SKIL: variants seen among roughly 807,000 people sequenced by gnomAD.
SKIL encodes ski-like protein.
In SKIL, 20 loss-of-function variants were observed where a neutral mutation model predicts 69.6. The observed-to-expected ratio is 0.29, with a 90% CI of 0.20 to 0.42. SKIL has a LOEUF of 0.42. Ranked by LOEUF, SKIL falls within the 10% of genes least tolerant of loss-of-function variation. The pLI is 1.00. For missense variants in SKIL, 745 were observed against 783.1 expected, an observed-to-expected ratio of 0.95 and a Z score of 0.58; for synonymous variants, 310 against 279.9, an observed-to-expected ratio of 1.11 and a Z score of -1.08.
chr3:170,370,448 C>A (rs1417382554), intron 2 of SKIL, among the ~76,000 whole-genome samples: 1 of 35,848 alleles, frequency 2.8e-5, no homozygotes. Flanking sequence ...AGCCCCCCCC[C>A]CCCCCCCGAG....
At chr3:170,383,432 G>A (rs1438268072) in intron 3 of SKIL, among the ~76,000 whole-genome samples, 3 of 152,168 alleles carry the variant, frequency 2.0e-5, no homozygotes, top group Non-Finnish European at 4.4e-5. Context: ...AGAGTGTCAA[G>A]TCTTAAATGG....
In SKIL at chr3:170,361,056, A is replaced by G. The variant is rs763232481; in HGVS notation, c.725A>G (p.Asn242Ser). The part of the protein sequence containing the change: ...ALLRPRTFPQ[N>S]GSVLPAKSSL... Reference sequence around the variant, plus strand: ...TTGCGGCCACGAACTTTTCCTCAAAATGGTAGCGTACTTCCTGCTAAAAGC... The same window carrying G: ...TTGCGGCCACGAACTTTTCCTCAAAGTGGTAGCGTACTTCCTGCTAAAAGC... The change falls in exon 2 of 7, where the codon AAT (asparagine) becomes AGT (serine). Residue 242 changes from asparagine (N) to serine (S), a missense_variant. Coordinates refer to ENST00000259119, the MANE Select transcript of SKIL (RefSeq NM_005414.5). 8 of 1,614,230 alleles carry G rather than the reference A, an allele frequency of 5.0e-6. No homozygotes were observed. In the East Asian group the frequency reaches 1.8e-4, roughly 36 times the overall value.
In SKIL at chr3:170,366,055, CT is replaced by C. The variant is rs753671366; in HGVS notation, c.1098+4644del. Among the ~76,000 whole-genome samples the C allele has an allele frequency of 5.4e-3, 695 of 128,292 alleles. 1 individual carries two copies. The highest frequency in any genetic ancestry group is 0.011 in the African/African-American group (390 of 34,650). 84.2% of individuals were successfully genotyped at this position (128,292 alleles called of 152,430 possible). On this transcript the variant is annotated intron_variant, in intron 2 of 6. Coordinates refer to ENST00000259119, the MANE Select transcript of SKIL (RefSeq NM_005414.5). ...ACAGGCATGAGCCATTGCGCCTGGCCTTTTTTTTTTTTTTTTTTAAGACTGT... is the reference window on the plus strand; with the variant it reads ...ACAGGCATGAGCCATTGCGCCTGGCCTTTTTTTTTTTTTTTTTAAGACTGT...
In SKIL at chr3:170,378,884, T is replaced by TA. The variant is rs1388194011; in HGVS notation, c.1099-2360_1099-2359insA. Among the ~76,000 whole-genome samples, 46 of 145,156 alleles carry TA rather than the reference T, an allele frequency of 3.2e-4. 1 individual carries two copies. The highest frequency in any genetic ancestry group is 9.8e-4 in the African/African-American group (35 of 35,738). On this transcript the variant is annotated intron_variant, in intron 2 of 6. Transcript: ENST00000259119. ...TTATTTATTTATTTATTTATTTATT[T>TA]TTTTTATCTTGAGATGGATTCTGGC...
rs1050512959 is a variant in SKIL at position 170,396,821 on chromosome 3, T to C, written c.*4404T>C. On this transcript the variant is annotated 3_prime_UTR_variant, in exon 7 of 7. Transcript: ENST00000259119. Reference sequence around the variant, plus strand: ...TGGATCAAATACTAAATAAAAACTTTTAATGCCAATTAAATTTGATTCAAG... The same window carrying C: ...TGGATCAAATACTAAATAAAAACTTCTAATGCCAATTAAATTTGATTCAAG... The C allele has an allele frequency of 1.3e-5, 2 of 152,368 alleles. No homozygotes were observed. Among genetic ancestry groups the C allele is most frequent in the East Asian group, 3.9e-4 (2 of 5,192 alleles). The allele number at this position is 152,368 out of a possible 1,614,324, so 9.4% of individuals were successfully genotyped here.
intron 2 of SKIL, among the ~76,000 whole-genome samples, chr3:170,371,271 C>G (rs759510237): frequency 6.6e-6 from 1 of 152,072 alleles, no homozygotes; most frequent in African/African-American, 2.4e-5. Context: ...GAGGCCAAGG[C>G]AGACAGATGA....
In SKIL at chr3:170,361,056, A is replaced by C; in HGVS notation, c.725A>C (p.Asn242Thr). Residue 242 changes from asparagine (N) to threonine (T), a missense_variant, in exon 2 of 7, where the codon AAT becomes ACT. Transcript: ENST00000259119. ...ALLRPRTFPQNGSVLPAKSSL... is the reference protein window; with the variant it reads ...ALLRPRTFPQTGSVLPAKSSL... ...TTGCGGCCACGAACTTTTCCTCAAA[A>C]TGGTAGCGTACTTCCTGCTAAAAGC... The C allele has an allele frequency of 6.2e-7, 1 of 1,614,230 alleles. No homozygotes were observed. The highest frequency in any genetic ancestry group is 8.5e-7 in the Non-Finnish European group (1 of 1,180,054).
rs1338747382 is a variant in SKIL at position 170,395,435 on chromosome 3, A to G, written c.*3018A>G. The G allele has an allele frequency of 1.3e-5, 2 of 152,154 alleles. No individual in the cohort carries two copies. Among genetic ancestry groups the G allele is most frequent in the Non-Finnish European group, 2.9e-5 (2 of 67,970 alleles). 9.4% of individuals were successfully genotyped at this position (152,154 alleles called of 1,614,324 possible). A position where few individuals can be genotyped will look rare whatever the true frequency, so the allele number is the denominator to read the frequency against. The stretch of plus-strand genomic sequence containing the variant: ...AATATATTACCAGTTAAGATATAAA[A>G]TCATTTGTACATAGCGAATTGTAAA... On this transcript the variant is annotated 3_prime_UTR_variant, in exon 7 of 7. Coordinates refer to ENST00000259119, the MANE Select transcript of SKIL (RefSeq NM_005414.5).
chr3:170,380,803 C>T (rs1393019931), intron 2 of SKIL, among the ~76,000 whole-genome samples: 1 of 152,018 alleles, frequency 6.6e-6, no homozygotes, highest in East Asian at 1.9e-4. Flanking sequence ...CAGGCTTCTT[C>T]AAGGGAAGAC....
At chr3:170,377,703 C>T (rs1355232927) in intron 2 of SKIL, among the ~76,000 whole-genome samples, 6 of 149,812 alleles carry the variant, frequency 4.0e-5, no homozygotes, top group East Asian at 2.0e-4. Context: ...CGCCTGCTGC[C>T]GCACCCGACT....
In SKIL at chr3:170,375,364, C is replaced by A. The variant is rs78009210; in HGVS notation, c.1099-5880C>A. Among the ~76,000 whole-genome samples the A allele has an allele frequency of 9.5e-3, 1,450 of 152,242 alleles. 16 individuals carry two copies. Among genetic ancestry groups the A allele is most frequent in the African/African-American group, 0.031 (1,295 of 41,538 alleles). ...TTAGAGACACAGAAATAAATAGATG[C>A]TAGGTTTGGCTCATGAGTAAAGATA... On this transcript the variant is annotated intron_variant, in intron 2 of 6. Transcript: ENST00000259119.
intron 2 of SKIL, among the ~76,000 whole-genome samples, chr3:170,379,482 C>CG (rs1553854065): frequency 1.3e-4 from 8 of 59,640 alleles, no homozygotes; most frequent in South Asian, 4.5e-4. Flanking sequence ...AGTCTTGCCC[C>CG]CCCTTTTAAG....
chr3:170,358,174 C>T (rs1250403671), intron 1 of SKIL, among the ~76,000 whole-genome samples: 2 of 152,204 alleles, frequency 1.3e-5, no homozygotes, highest in African/African-American at 2.4e-5. Context: ...CGCCCGGCGC[C>T]TAAACTGCCC....
chr3:170,385,019 A>AT, intron 4 of SKIL: 1 of 265,642 alleles, frequency 3.8e-6, no homozygotes, highest in East Asian at 7.5e-5. Context: ...TTTTGTCCGA[A>AT]TTTTTTTCCT....
intron 2 of SKIL, among the ~76,000 whole-genome samples, chr3:170,372,835 AT>A (rs1234091953): frequency 6.6e-6 from 1 of 152,172 alleles, no homozygotes; most frequent in African/African-American, 2.4e-5. Flanking sequence ...CATATGCATT[AT>A]ATTTTATTTC....
At chr3:170,361,950 TC>T (rs1276888490) in intron 2 of SKIL, among the ~76,000 whole-genome samples, 1 of 152,136 alleles carries the variant, frequency 6.6e-6, no homozygotes, top group African/African-American at 2.4e-5. Context: ...CTGTTGTTTT[TC>T]TAGGACTCGA....
chr3:170,386,489 A>T (rs1314081442), intron 4 of SKIL, among the ~76,000 whole-genome samples: 1 of 152,116 alleles, frequency 6.6e-6, no homozygotes, highest in East Asian at 1.9e-4. Flanking sequence ...TTTTAGAGAC[A>T]GAGTCTCACT....
rs1736874886 is a variant in SKIL at position 170,373,243 on chromosome 3, TAC to T, written c.1099-7998_1099-7997del. On this transcript the variant is annotated intron_variant, in intron 2 of 6. Transcript: ENST00000259119. Reference sequence around the variant, plus strand: ...GTACAGTGGTGTGATCTCGGCTCACTACACCCTCCACCTCCTGGGTTCAAGCG... The same window carrying T: ...GTACAGTGGTGTGATCTCGGCTCACTACCCTCCACCTCCTGGGTTCAAGCG... Among the ~76,000 whole-genome samples the T allele has an allele frequency of 3.3e-5, 5 of 151,450 alleles. No homozygotes were observed. In the South Asian group the frequency reaches 1.0e-3, roughly 32 times the overall value.
In SKIL at chr3:170,360,715, G is replaced by A; in HGVS notation, c.384G>A (p.Gln128=). 4 of 1,614,150 alleles carry A rather than the reference G, an allele frequency of 2.5e-6. No individual in the cohort carries two copies. The highest frequency in any genetic ancestry group is 3.4e-6 in the Non-Finnish European group (4 of 1,180,022). The change falls in exon 2 of 7, where the codon CAG becomes CAA. Residue 128 remains glutamine, a synonymous_variant. Transcript: ENST00000259119. ...PTVFLPLPSP[Q]VLPGPLLIPS... ...TATTTCTGCCTCTTCCATCACCTCA[G>A]GTTCTTCCTGGCCCATTGCTCATCC...
Sources: allele counts gnomAD v4.1 joint callset (sites outside exome capture counted in the v4.1 genomes callset), GRCh38; gene constraint gnomAD v4.1.1; transcripts MANE v1.5; gene names NCBI Gene and HGNC (gene_info 2026-07-23, HGNC 2026-07-21).